Variants in DCC observed in about 807,000 individuals in gnomAD.
DCC encodes the protein netrin receptor DCC.
Under a neutral mutation model 172.5 loss-of-function variants are expected in DCC, and 58 were observed. That is an observed-to-expected ratio of 0.34 (90% CI 0.27 to 0.42). The LOEUF (loss-of-function observed/expected upper bound fraction) is 0.42. Ranked by LOEUF, DCC falls within the 10% of genes least tolerant of loss-of-function variation. The pLI is 1.00. For missense variants in DCC, 1,740 were observed against 1,791.0 expected (o/e 0.97, Z 0.51); for synonymous variants, 709 against 644.5 (o/e 1.10, Z -1.52).
chr18:52,966,221 A>G (rs780082851), intron 5 of DCC, among the ~76,000 whole-genome samples: 16 of 152,220 alleles, frequency 1.1e-4, no homozygotes, highest in Non-Finnish European at 1.8e-4. Flanking sequence ...TGGCATGGTC[A>G]TGAATAAAGA....
At chr18:52,648,384 A>G (rs62083445) in intron 1 of DCC, among the ~76,000 whole-genome samples, 3,073 of 152,330 alleles carry the variant, frequency 0.02, 43 homozygotes, top group Middle Eastern at 0.058. Flanking sequence ...CTCTTAGATA[A>G]GACTGTTCTT....
At chr18:53,358,542 T>TC (rs1247182401) in intron 15 of DCC, among the ~76,000 whole-genome samples, 1 of 144,018 alleles carries the variant, frequency 6.9e-6, no homozygotes, top group Non-Finnish European at 1.5e-5. Context: ...TTTTTTTTTT[T>TC]TTTTTTTTTT....
chr18:53,351,314 T>TATATATATATAC (rs1330722397), intron 15 of DCC, among the ~76,000 whole-genome samples: 2 of 18,240 alleles, frequency 1.1e-4, no homozygotes, highest in East Asian at 1.9e-3. Flanking sequence ...TATATATATA[T>TATATATATATAC]ACACTGTATA....
intron 2 of DCC, among the ~76,000 whole-genome samples, chr18:52,825,234 G>A (rs1482405033): frequency 6.6e-6 from 1 of 152,092 alleles, no homozygotes; most frequent in Non-Finnish European, 1.5e-5. Context: ...CATGATATTG[G>A]TCAGCTTACA....
Position 53,205,383 on chromosome 18 carries a change from C to T in DCC, c.1722+19C>T, listed in dbSNP as rs372910816. The T allele has an allele frequency of 1.8e-4, 289 of 1,611,172 alleles. No individual in the cohort carries two copies. The highest frequency in any genetic ancestry group is 2.3e-4 in the Non-Finnish European group (274 of 1,177,566). On this transcript the variant is annotated intron_variant, in intron 10 of 28. Transcript: ENST00000442544. ...AGAACAGGTAGGTGAAGGAATGGAC[C>T]ACACTGCTTCCATCTGTTGGATGTT...
intron 3 of DCC, among the ~76,000 whole-genome samples, chr18:52,919,266 G>A (rs2040083787): frequency 6.6e-6 from 1 of 152,122 alleles, no homozygotes; most frequent in African/African-American, 2.4e-5. Flanking sequence ...TACAAGGCCA[G>A]GCCTTATTTA....
rs59898050 is a variant in DCC at position 53,090,698 on chromosome 18, C to CAAAAAAAAAAAAAAAAAA, written c.1261+24551_1261+24568dup. ...GACAGAGCGAAACTCCGTCCCCCAACAAAAAAAAAAAAAAAAAAAAAAAAA... is the reference window on the plus strand; with the variant it reads ...GACAGAGCGAAACTCCGTCCCCCAACAAAAAAAAAAAAAAAAAAAAAAAAAAAAAAAAAAAAAAAAAAA... On this transcript the variant is annotated intron_variant, in intron 7 of 28. Transcript: ENST00000442544. Among the ~76,000 whole-genome samples, 170 of 39,352 alleles carry CAAAAAAAAAAAAAAAAAA rather than the reference C, an allele frequency of 4.3e-3. 27 individuals are homozygous for CAAAAAAAAAAAAAAAAAA. Among genetic ancestry groups the CAAAAAAAAAAAAAAAAAA allele is most frequent in the Middle Eastern group, 0.042 (2 of 48 alleles). The allele number at this position is 39,352 out of a possible 152,430, so 25.8% of individuals were successfully genotyped here. A position where few individuals can be genotyped will look rare whatever the true frequency, so the allele number is the denominator to read the frequency against.
At chr18:53,029,646 C>T (rs2042001266) in intron 5 of DCC, among the ~76,000 whole-genome samples, 1 of 151,950 alleles carries the variant, frequency 6.6e-6, no homozygotes. Flanking sequence ...GCTACACAAA[C>T]TCAGAGGTGC....
chr18:53,468,048 GC>G, intron 25 of DCC, 38 bp downstream of exon 25: 1 of 965,504 alleles, frequency 1.0e-6, no homozygotes, highest in South Asian at 1.3e-5. Context: ...GAAATGAAAT[GC>G]TTTCTGTATG....
intron 12 of DCC, among the ~76,000 whole-genome samples, chr18:53,253,148 G>A (rs945322415): frequency 4.0e-5 from 6 of 151,792 alleles, no homozygotes; most frequent in East Asian, 1.9e-4. Context: ...GATCCAAACC[G>A]AGACAGTCAG....
At chr18:53,457,641 A>T (rs2045500023) in intron 23 of DCC, among the ~76,000 whole-genome samples, 1 of 152,220 alleles carries the variant, frequency 6.6e-6, no homozygotes, top group African/African-American at 2.4e-5. Context: ...TGTGAGTTGC[A>T]GATCAGTTTG....
At chr18:52,474,221 A>ATT (rs1475997823) in intron 1 of DCC, among the ~76,000 whole-genome samples, 1 of 120,798 alleles carries the variant, frequency 8.3e-6, no homozygotes, top group Non-Finnish European at 1.9e-5. Context: ...AGAGAGAGAG[A>ATT]GAGAGAGAGA....
At position 53,410,641 on chromosome 18, in the gene DCC, T is replaced by G. The variant is rs1480769515; in HGVS notation, c.3125T>G (p.Leu1042Arg). ...PLSDPILFRTLKVEHPDKMAN... is the reference protein window; with the variant it reads ...PLSDPILFRTRKVEHPDKMAN... ...TCTGATCCTATCCTCTTCAGGACTCTGAAAGGTTTGAATAATTTCCTATTA... is the reference window on the plus strand; with the variant it reads ...TCTGATCCTATCCTCTTCAGGACTCGGAAAGGTTTGAATAATTTCCTATTA... Residue 1042 changes from leucine to arginine, a missense_variant, in exon 20 of 29, where the codon CTG becomes CGG. Around this residue, in one of 2 missense-constraint regions of DCC, gnomAD observed 1,732 missense variants for 1,767.4 expected, o/e 0.98. Coordinates refer to ENST00000442544, the MANE Select transcript of DCC (RefSeq NM_005215.4). 8 of 1,566,822 alleles carry G rather than the reference T, an allele frequency of 5.1e-6. No homozygotes were observed. Among genetic ancestry groups the G allele is most frequent in the Non-Finnish European group, 7.0e-6 (8 of 1,136,182 alleles).
At chr18:52,584,804 T>G (rs957269350) in intron 1 of DCC, among the ~76,000 whole-genome samples, 8 of 151,820 alleles carry the variant, frequency 5.3e-5, no homozygotes, top group Non-Finnish European at 1.0e-4. Flanking sequence ...CTTTCCAAAG[T>G]GTTAGGATTA....
chr18:52,583,833 T>TA, intron 1 of DCC, among the ~76,000 whole-genome samples: 1 of 152,342 alleles, frequency 6.6e-6, no homozygotes, highest in South Asian at 2.1e-4. Flanking sequence ...CAAGGGCCTC[T>TA]AAATATAACT....
chr18:52,463,169 C>T (rs1598838523), intron 1 of DCC, among the ~76,000 whole-genome samples: 1 of 152,130 alleles, frequency 6.6e-6, no homozygotes, highest in African/African-American at 2.4e-5. Context: ...CCTCACAACC[C>T]AGGAACAAAA....
chr18:53,475,483 T>C (rs2045750968), intron 25 of DCC, among the ~76,000 whole-genome samples: 1 of 152,214 alleles, frequency 6.6e-6, no homozygotes, highest in Non-Finnish European at 1.5e-5. Flanking sequence ...CTGCTCCAGC[T>C]GTGGCTGAAA....
intron 11 of DCC, among the ~76,000 whole-genome samples, chr18:53,214,516 AT>A (rs889055949): frequency 9.2e-5 from 14 of 152,206 alleles, no homozygotes; most frequent in African/African-American, 3.4e-4. Flanking sequence ...AAAAACATAG[AT>A]TTTTTTCCAA....
chr18:52,570,326 C>T (rs2033263621), intron 1 of DCC, among the ~76,000 whole-genome samples: 2 of 152,100 alleles, frequency 1.3e-5, no homozygotes, highest in African/African-American at 2.4e-5. Context: ...GAAGCAGATG[C>T]TTCTCCCGTT....
Sources: allele counts gnomAD v4.1 joint callset (sites outside exome capture counted in the v4.1 genomes callset), GRCh38; gene constraint gnomAD v4.1.1; regional missense constraint gnomAD v4.1.1; transcripts MANE v1.5; gene names NCBI Gene and HGNC (gene_info 2026-07-23, HGNC 2026-07-21).